Variants in EFEMP1 observed in about 807,000 individuals in gnomAD.
EFEMP1 encodes EGF-containing fibulin-like extracellular matrix protein 1.
In EFEMP1, 18 loss-of-function variants were observed where a neutral mutation model predicts 65.7. The ratio of observed to expected loss-of-function variants is 0.27; its 90% CI spans 0.19 to 0.41. The LOEUF (loss-of-function observed/expected upper bound fraction) is 0.41, where lower values mean the gene tolerates loss of function less well. Among genes scored for constraint, EFEMP1 ranks in the 10% least tolerant of loss-of-function variants. The pLI is 1.00. For synonymous variants in EFEMP1, 237 were observed against 219.7 expected, an observed-to-expected ratio of 1.08 and a Z score of -0.70; for missense variants, 469 against 624.8, an observed-to-expected ratio of 0.75 and a Z score of 2.66.
In EFEMP1 at chr2:55,871,998, T is replaced by A. The variant is rs1668828122; in HGVS notation, c.1001-875A>T. ...ACCTCAGGCTGGACAAAGATTGACT[T>A]TAAATTTGGGAATCAGAAGCCTCCA... On this transcript the variant is annotated intron_variant, in intron 9 of 11. Coordinates refer to ENST00000355426, the MANE Select transcript of EFEMP1 (RefSeq NM_001039348.3). This position sits in a 1 kb window ranked among gnomAD's most constrained non-coding sequence, Gnocchi z 4.2. Among the ~76,000 whole-genome samples, 1 of 151,958 alleles carries A rather than the reference T, an allele frequency of 6.6e-6. No individual in the cohort carries two copies. The highest frequency in any genetic ancestry group is 6.6e-5 in the Admixed American group (1 of 15,228).
rs78169944 is a variant in EFEMP1, at chr2:55,867,549, A to T, written c.1321-315T>A. 8.7e-3 allele frequency among the ~76,000 whole-genome samples: 1,323 copies of T among 152,164 alleles called. 15 individuals carry two copies. The highest frequency in any genetic ancestry group is 0.029 in the African/African-American group (1,220 of 41,526). ...GTGGACTTTACAGAGACTAGAGCTT[A>T]AGTGAGAATCTGATAATTTCTAAAC... On this transcript the variant is annotated intron_variant, in intron 11 of 11. Coordinates refer to ENST00000355426, the MANE Select transcript of EFEMP1 (RefSeq NM_001039348.3). This position sits in a 1 kb window ranked among gnomAD's most constrained non-coding sequence, Gnocchi z 4.3.
At chr2:55,868,513 C>T (rs562473523) in intron 11 of EFEMP1, among the ~76,000 whole-genome samples, 3 of 152,090 alleles carry the variant, frequency 2.0e-5, no homozygotes, top group South Asian at 2.1e-4. Context: ...CTTTACAATA[C>T]GTTCTCTTTT....
chr2:55,895,690 C>T lies in EFEMP1; in HGVS notation c.518-13956G>A, dbSNP rs938268859. The stretch of plus-strand genomic sequence containing the variant: ...CGGAGTAGCTGGGACTACAGGCGCC[C>T]GCCACCTCGCCCGGCTAATTTTTTG... On this transcript the variant is annotated intron_variant, in intron 5 of 11. Coordinates refer to ENST00000355426, the MANE Select transcript of EFEMP1 (RefSeq NM_001039348.3). Among the ~76,000 whole-genome samples the T allele has an allele frequency of 4.6e-5, 7 of 151,848 alleles. No individual in the cohort carries two copies. The South Asian group carries it at 6.2e-4, about 14-fold the overall frequency.
intron 5 of EFEMP1, among the ~76,000 whole-genome samples, chr2:55,914,275 C>G (rs547411846): frequency 3.3e-5 from 5 of 152,170 alleles, no homozygotes; most frequent in Non-Finnish European, 7.3e-5. Context: ...GCGTTACTGG[C>G]TCCCACAGCA....
intron 5 of EFEMP1, among the ~76,000 whole-genome samples, chr2:55,888,086 T>C (rs1669490392): frequency 6.6e-6 from 1 of 152,152 alleles, no homozygotes; most frequent in Non-Finnish European, 1.5e-5. Flanking sequence ...CTGTGACTCA[T>C]CTGTACTACA....
At chr2:55,875,372 A>AT (rs140924184) in intron 8 of EFEMP1, among the ~76,000 whole-genome samples, 16,361 of 148,884 alleles carry the variant, frequency 0.11, 1,158 homozygotes, top group African/African-American at 0.2. Context: ...ACACATATAT[A>AT]TTTTTTTTGT....
Position 55,881,624 on chromosome 2 carries a change from C to A in EFEMP1, c.628G>T (p.Glu210Ter). The A allele has an allele frequency of 6.2e-7, 1 of 1,613,738 alleles. No homozygotes were observed. Among genetic ancestry groups the A allele is most frequent in the Non-Finnish European group, 8.5e-7 (1 of 1,179,894 alleles). The change falls in exon 6 of 12, where the codon GAG becomes TAG. Residue 210 changes from glutamate to a stop codon, truncating the protein, a stop_gained. Transcript: ENST00000355426. LOFTEE classifies it high-confidence loss of function. ...QCPPGYQKRG[E>*]QCVDIDECTI... ...CTGTGGTACTTACCTACGCACTGCT[C>A]CCCTCGCTTCTGATATCCAGGAGGG...
At chr2:55,909,933 A>G (rs566817392) in intron 5 of EFEMP1, among the ~76,000 whole-genome samples, 14 of 152,284 alleles carry the variant, frequency 9.2e-5, no homozygotes, top group African/African-American at 3.1e-4. Flanking sequence ...GTGGTTCTCA[A>G]ATTTGACTGA....
In EFEMP1 at chr2:55,870,854, T is replaced by A; in HGVS notation, c.1186A>T (p.Lys396Ter). Residue 396 changes from lysine (K) to a stop codon, truncating the protein, a stop_gained, in exon 11 of 12, where the codon AAA becomes TAA. Transcript: ENST00000355426. LOFTEE classifies it high-confidence loss of function. This position sits in a 1 kb window ranked among gnomAD's most constrained non-coding sequence, Gnocchi z 5.8. ...CTATCAGATCGGATGCTCATGTATTTGTAGACTATTGACTGGGGCAGTTCT... is the reference window on the plus strand; with the variant it reads ...CTATCAGATCGGATGCTCATGTATTAGTAGACTATTGACTGGGGCAGTTCT... Reference protein sequence around the residue: ...CRELPQSIVYKYMSIRSDRSV... With the variant: ...CRELPQSIVY 6.2e-7 allele frequency: 1 copy of A among 1,613,836 alleles called. No homozygotes were observed. Among genetic ancestry groups the A allele is most frequent in the Non-Finnish European group, 8.5e-7 (1 of 1,179,850 alleles).
intron 5 of EFEMP1, among the ~76,000 whole-genome samples, chr2:55,913,390 T>C (rs930867617): frequency 2.0e-5 from 3 of 152,198 alleles, no homozygotes; most frequent in African/African-American, 4.8e-5. Flanking sequence ...CAATCAACTT[T>C]ATTGGACATT....
At chr2:55,909,465 G>A (rs1234916536) in intron 5 of EFEMP1, among the ~76,000 whole-genome samples, 1 of 152,014 alleles carries the variant, frequency 6.6e-6, no homozygotes, top group Non-Finnish European at 1.5e-5. Context: ...ACTGTTTCTG[G>A]GGACCTCTCC....
intron 5 of EFEMP1, among the ~76,000 whole-genome samples, chr2:55,891,915 C>T (rs938659581): frequency 6.6e-6 from 1 of 152,084 alleles, no homozygotes; most frequent in Admixed American, 6.5e-5. Context: ...CCATTTCCTC[C>T]AAGTTATCCA....
At position 55,883,716 on chromosome 2, in the gene EFEMP1, A is replaced by T. The variant is rs550834824; in HGVS notation, c.518-1982T>A. Reference sequence around the variant, plus strand: ...ACTGATGCCCTATGACTTCCTTCCTACTTTCTTGTTGCTCATTTCTTAGTG... The same window carrying T: ...ACTGATGCCCTATGACTTCCTTCCTTCTTTCTTGTTGCTCATTTCTTAGTG... On this transcript the variant is annotated intron_variant, in intron 5 of 11. Transcript: ENST00000355426. The surrounding 1 kb of genome is among the most constrained non-coding windows in gnomAD (Gnocchi z 4.5). 6.7e-4 allele frequency among the ~76,000 whole-genome samples: 102 copies of T among 152,132 alleles called. No individual in the cohort carries two copies. Among genetic ancestry groups the T allele is most frequent in the Non-Finnish European group, 1.3e-3 (88 of 67,986 alleles).
intron 5 of EFEMP1, among the ~76,000 whole-genome samples, chr2:55,899,990 C>G (rs1669971994): frequency 1.3e-5 from 2 of 152,060 alleles, no homozygotes; most frequent in Non-Finnish European, 2.9e-5. Context: ...AAGAAACCTA[C>G]ATGGCCACTT....
chr2:55,897,214 T>G (rs565139811), intron 5 of EFEMP1, among the ~76,000 whole-genome samples: 2 of 152,212 alleles, frequency 1.3e-5, no homozygotes, highest in Non-Finnish European at 2.9e-5. Context: ...GCACCCACTA[T>G]GCTTTGCATT....
At position 55,922,630 on chromosome 2, in the gene EFEMP1, G is replaced by T. The variant is rs927645706; in HGVS notation, c.-7-183C>A. 2 of 639,148 alleles carry T rather than the reference G, an allele frequency of 3.1e-6. No homozygotes were observed. The highest frequency in any genetic ancestry group is 3.7e-5 in the African/African-American group (2 of 54,746). 39.6% of individuals were successfully genotyped at this position (639,148 alleles called of 1,614,324 possible). On this transcript the variant is annotated intron_variant, in intron 2 of 11. Transcript: ENST00000355426. This position sits in a 1 kb window ranked among gnomAD's most constrained non-coding sequence, Gnocchi z 5.5. ...TGAACCTTCTCGGTAGCCAACGAAC[G>T]AGGCAGCAAAGACGTAAAAACTGCT...
intron 5 of EFEMP1, among the ~76,000 whole-genome samples, chr2:55,892,269 C>T (rs1669653684): frequency 6.6e-6 from 1 of 152,148 alleles, no homozygotes; most frequent in Non-Finnish European, 1.5e-5. Flanking sequence ...AGATCTGTTT[C>T]ATTTTTATGA....
chr2:55,915,839 C>T (rs1440603453), intron 5 of EFEMP1, among the ~76,000 whole-genome samples: 1 of 151,958 alleles, frequency 6.6e-6, no homozygotes, highest in Non-Finnish European at 1.5e-5. Context: ...TCAGTATTAA[C>T]CCAAATACAT....
rs1293860475 is a variant in EFEMP1 at position 55,917,030 on chromosome 2, T to A, written c.517+635A>T. On this transcript the variant is annotated intron_variant, in intron 5 of 11. Transcript: ENST00000355426. This position sits in a 1 kb window ranked among gnomAD's most constrained non-coding sequence, Gnocchi z 6.3. ...AGCTTAAAAGAGATATAAACGTGAG[T>A]GGGGGAGAATCCCTCCAAGGTAATG... 6.6e-6 allele frequency among the ~76,000 whole-genome samples: 1 copy of A among 152,044 alleles called. No homozygotes were observed. Among genetic ancestry groups the A allele is most frequent in the Non-Finnish European group, 1.5e-5 (1 of 67,994 alleles).
Sources: allele counts gnomAD v4.1 joint callset (sites outside exome capture counted in the v4.1 genomes callset), GRCh38; gene constraint gnomAD v4.1.1; non-coding constraint Gnocchi (gnomAD v3.1); transcripts MANE v1.5; gene names NCBI Gene and HGNC (gene_info 2026-07-23, HGNC 2026-07-21).